Variants in UBR2 observed in about 807,000 individuals in gnomAD.
UBR2 encodes the protein E3 ubiquitin-protein ligase UBR2.
A neutral mutation model predicts 247.9 loss-of-function variants in UBR2; 92 were observed. The ratio of observed to expected loss-of-function variants is 0.37; its 90% CI spans 0.31 to 0.44. The LOEUF is 0.44. UBR2 is among the 20% of genes least tolerant of loss of function. The pLI is 1.00. For missense variants in UBR2, 1,613 were observed against 2,112.6 expected, an observed-to-expected ratio of 0.76 and a Z score of 4.64; for synonymous variants, 672 against 693.5, an observed-to-expected ratio of 0.97 and a Z score of 0.49.
At position 42,619,433 on chromosome 6, in the gene UBR2, ATATATATATATATATATATATTTT is replaced by A. The variant is rs1371913832; in HGVS notation, c.1281+1928_1281+1951del. The A allele has an allele frequency of 6.1e-4, 12 of 19,570 alleles. 1 individual carries two copies. Among genetic ancestry groups the A allele is most frequent in the Non-Finnish European group, 5.8e-4 (6 of 10,416 alleles). 1.2% of individuals were successfully genotyped at this position (19,570 alleles called of 1,614,324 possible). A position where few individuals can be genotyped will look rare whatever the true frequency, so the allele number is the denominator to read the frequency against. On this transcript the variant is annotated intron_variant, in intron 11 of 46. Coordinates refer to ENST00000372901, the MANE Select transcript of UBR2 (RefSeq NM_001363705.2). ...TGAACATATATATATATATATATAT[ATATATATATATATATATATATTTT>A]TTTTTTTTAGTTCTCTATCTCTGCT...
intron 4 of UBR2, 73 bp downstream of exon 4, chr6:42,594,377 G>A (rs1167816034): frequency 8.4e-7 from 1 of 1,196,960 alleles, no homozygotes; most frequent in Non-Finnish European, 1.2e-6. Flanking sequence ...TAGATGATGT[G>A]AGAAATGGAT....
intron 6 of UBR2, 135 bp from the exon 7 acceptor site, chr6:42,606,454 A>G (rs1793704510): frequency 4.3e-6 from 3 of 698,468 alleles, no homozygotes; most frequent in East Asian, 6.4e-5. Context: ...TAACTTATCA[A>G]TGAGTAGGAT....
intron 34 of UBR2, 148 bp downstream of exon 34, chr6:42,666,393 G>A (rs1277472003): frequency 3.2e-6 from 2 of 618,126 alleles, no homozygotes; most frequent in Non-Finnish European, 5.3e-6. Context: ...CAGAGGCTGA[G>A]ACAGGAGGAT....
Position 42,658,780 on chromosome 6 carries a change from G to C in UBR2, c.3198G>C (p.Gln1066His), listed in dbSNP as rs753940529. The C allele has an allele frequency of 6.2e-7, 1 of 1,603,574 alleles. No homozygotes were observed. The highest frequency in any genetic ancestry group is 1.1e-5 in the South Asian group (1 of 90,660). ...FIDENKELFQ[Q>H]TLELDASTSA... ...ATGAAAACAAAGAACTCTTTCAGCA[G>C]ACATTAGAACTGGATGCCTCAACCT... The change falls in exon 29 of 47, where the codon CAG becomes CAC. Residue 1066 changes from glutamine (Q) to histidine (H), a missense_variant. Gln to His is a conservative substitution (Grantham distance 24). Coordinates refer to ENST00000372901, the MANE Select transcript of UBR2 (RefSeq NM_001363705.2).
chr6:42,690,920 G>A, intron 46 of UBR2, 112 bp from the exon 47 acceptor site: 3 of 1,337,832 alleles, frequency 2.2e-6, no homozygotes, highest in Non-Finnish European at 3.1e-6. Context: ...CAGAAATGTT[G>A]CAGGGAGTCT....
chr6:42,567,961 C>T (rs956934153), intron 1 of UBR2, among the ~76,000 whole-genome samples: 3 of 152,074 alleles, frequency 2.0e-5, no homozygotes, highest in Non-Finnish European at 2.9e-5. Context: ...CAGGGAGGAT[C>T]GCTTGAGCCC....
In UBR2 at chr6:42,573,900, C is replaced by T; in HGVS notation, c.245C>T (p.Pro82Leu). ...GAATGGTACCTTTGTGGTGAAGATC[C>T]TGCATTTGGATTTCCAAAACTTGAG... ...PMEWYLCGED[P>L]AFGFPKLEQA... The change falls in exon 2 of 47, where the codon CCT becomes CTT. Residue 82 changes from proline to leucine, a missense_variant. By Grantham distance (98) the Pro-to-Leu change is moderately conservative (BLOSUM62 -3). Coordinates refer to ENST00000372901, the MANE Select transcript of UBR2 (RefSeq NM_001363705.2). 1 of 1,613,950 alleles carries T rather than the reference C, an allele frequency of 6.2e-7. No individual in the cohort carries two copies. Among genetic ancestry groups the T allele is most frequent in the Non-Finnish European group, 8.5e-7 (1 of 1,179,948 alleles).
rs779229522 is a variant in UBR2 at position 42,670,725 on chromosome 6, C to T, written c.4086+10C>T. 9 of 1,602,938 alleles carry T rather than the reference C, an allele frequency of 5.6e-6. No homozygotes were observed. Among genetic ancestry groups the T allele is most frequent in the Admixed American group, 5.2e-5 (3 of 58,242 alleles). On this transcript the variant is annotated intron_variant, in intron 36 of 46. Transcript: ENST00000372901. ...TTTACCTTGCAGACTGGTAAGTTCTCAGTTTATTCAGTTCATGATAGTGGG... is the reference window on the plus strand; with the variant it reads ...TTTACCTTGCAGACTGGTAAGTTCTTAGTTTATTCAGTTCATGATAGTGGG...
At chr6:42,641,557 G>A in intron 16 of UBR2, 25 bp from the exon 17 acceptor site, 1 of 1,554,440 alleles carries the variant, frequency 6.4e-7, no homozygotes, top group Non-Finnish European at 8.7e-7. Context: ...TTTGTTTTCT[G>A]TTTTTTTATT....
chr6:42,581,573 C>A (rs1306317264), intron 2 of UBR2, among the ~76,000 whole-genome samples: 1 of 152,164 alleles, frequency 6.6e-6, no homozygotes, highest in Non-Finnish European at 1.5e-5. Context: ...GTGATGCTCT[C>A]CCCTAAGCCT....
chr6:42,616,184 A>G, intron 10 of UBR2, 94 bp downstream of exon 10: 1 of 707,820 alleles, frequency 1.4e-6, no homozygotes, highest in East Asian at 2.8e-5. Flanking sequence ...TCTAATAGTA[A>G]TATGTCAATG....
At chr6:42,663,082 C>G (rs115449996) in intron 31 of UBR2, among the ~76,000 whole-genome samples, 176 bp from the exon 32 acceptor site, 2 of 151,658 alleles carry the variant, frequency 1.3e-5, no homozygotes, top group East Asian at 3.9e-4. Flanking sequence ...TCTTTTAGAA[C>G]TTTTAATCCA....
intron 18 of UBR2, among the ~76,000 whole-genome samples, chr6:42,643,870 C>A (rs1796588373): frequency 6.6e-6 from 1 of 151,842 alleles, no homozygotes; most frequent in African/African-American, 2.4e-5. Flanking sequence ...ATCAGAGAAC[C>A]CCAAAATAAA....
At chr6:42,586,612 A>C (rs1222078909) in intron 2 of UBR2, among the ~76,000 whole-genome samples, 1 of 137,634 alleles carries the variant, frequency 7.3e-6, no homozygotes, top group African/African-American at 2.8e-5. Context: ...GTTAATTAGA[A>C]TTGTAGCATT....
At chr6:42,613,262 C>T (rs1794207624) in intron 8 of UBR2, among the ~76,000 whole-genome samples, 1 of 152,078 alleles carries the variant, frequency 6.6e-6, no homozygotes, top group African/African-American at 2.4e-5. Context: ...ATTCTTCAGG[C>T]AACACTGTGG....
rs776557300 is a variant in UBR2, at chr6:42,644,586, G to A, written c.2284+50G>A. Reference sequence around the variant, plus strand: ...TTAATAAATTACACTGACGTTTATAGTAGCAAATAGTTTGGAATTTCTGGC... The same window carrying A: ...TTAATAAATTACACTGACGTTTATAATAGCAAATAGTTTGGAATTTCTGGC... On this transcript the variant is annotated intron_variant, in intron 20 of 46. Transcript: ENST00000372901. The A allele has an allele frequency of 4.7e-6, 7 of 1,485,266 alleles. No individual in the cohort carries two copies. In the African/African-American group the frequency reaches 5.6e-5, roughly 12 times the overall value. The allele number at this position is 1,485,266 out of a possible 1,614,324, so 92.0% of individuals were successfully genotyped here. A position where few individuals can be genotyped will look rare whatever the true frequency, so the allele number is the denominator to read the frequency against.
chr6:42,571,499 T>A (rs1011807908), intron 1 of UBR2, among the ~76,000 whole-genome samples: 1 of 152,142 alleles, frequency 6.6e-6, no homozygotes, highest in Admixed American at 6.5e-5. Flanking sequence ...CCTAGCACCT[T>A]TGGGAGGCCG....
chr6:42,663,383 T>C lies in UBR2; in HGVS notation c.3662T>C (p.Ile1221Thr), dbSNP rs745393900. The C allele has an allele frequency of 6.2e-7, 1 of 1,612,490 alleles. No individual in the cohort carries two copies. The highest frequency in any genetic ancestry group is 1.7e-5 in the Admixed American group (1 of 59,714). Residue 1221 changes from isoleucine (I) to threonine (T), a missense_variant, in exon 32 of 47, where the codon ATT becomes ACT. Physicochemically the swap from Ile to Thr is moderately conservative, Grantham distance 89. This residue lies in a region of UBR2 where 1,524 missense variants were observed against 1,967.3 expected (regional missense o/e 0.77). Coordinates refer to ENST00000372901, the MANE Select transcript of UBR2 (RefSeq NM_001363705.2). ...TGTGAATGCTTGAGTAATACTGTTA[T>C]TCCTCTGCTGCTTCCTCCAAGAAAT... ...PLCECLSNTVIPLLLPPRNIF... is the reference protein window; with the variant it reads ...PLCECLSNTVTPLLLPPRNIF...
intron 25 of UBR2, 61 bp downstream of exon 25, chr6:42,652,706 T>C (rs1797195744): frequency 6.8e-7 from 1 of 1,479,180 alleles, no homozygotes; most frequent in Non-Finnish European, 9.2e-7. Context: ...CAAAATATTC[T>C]TGTCTGTATC....
Sources: allele counts gnomAD v4.1 joint callset (sites outside exome capture counted in the v4.1 genomes callset), GRCh38; gene constraint gnomAD v4.1.1; regional missense constraint gnomAD v4.1.1; transcripts MANE v1.5; gene names NCBI Gene and HGNC (gene_info 2026-07-23, HGNC 2026-07-21).